The following LLGL1 variants were observed in gnomAD, a reference collection of about 807,000 sequenced individuals.
LLGL1 encodes the protein lethal(2) giant larvae protein homolog 1.
LLGL1 carries 58 observed loss-of-function variants against 110.6 expected under a neutral mutation model. The observed-to-expected ratio is 0.52, with a 90% CI of 0.42 to 0.65. The LOEUF (loss-of-function observed/expected upper bound fraction) is 0.65. Among genes scored for constraint, LLGL1 ranks in the 30% least tolerant of loss-of-function variants. The probability of loss-of-function intolerance (pLI) is 0.00; values close to 1 mark genes in which losing one functional copy is unlikely to be tolerated. For missense variants in LLGL1, 1,229 were observed against 1,462.1 expected (o/e 0.84, Z 2.60); for synonymous variants, 674 against 607.2 (o/e 1.11, Z -1.62).
In LLGL1 at chr17:18,232,393, G is replaced by A. The variant is rs114532847; in HGVS notation, c.180-102G>A. 5.4e-3 allele frequency: 5,620 copies of A among 1,050,076 alleles called. 85 individuals are homozygous for A. The highest frequency in any genetic ancestry group is 0.045 in the African/African-American group (2,857 of 62,982). The allele number at this position is 1,050,076 out of a possible 1,614,324, so 65.0% of individuals were successfully genotyped here. A position where few individuals can be genotyped will look rare whatever the true frequency, so the allele number is the denominator to read the frequency against. ...ACTCCTGGATGGTCAGGCCCATGCC[G>A]GGGCCCACTGGAATAGTCCGGGTCA... On this transcript the variant is annotated intron_variant, in intron 2 of 22. Coordinates refer to ENST00000316843, the MANE Select transcript of LLGL1 (RefSeq NM_004140.4).
rs112209228 is a variant in LLGL1, at chr17:18,242,317, C to T, written c.2995+39C>T. On this transcript the variant is annotated intron_variant, in intron 20 of 22. Transcript: ENST00000316843. ...GAAAGGGGTCCAGACCCTGGCCCCA[C>T]GGTGCCCTGGGGGAGGGAGTCGGGA... The T allele has an allele frequency of 8.0e-5, 126 of 1,575,038 alleles. 1 individual carries two copies. In the Middle Eastern group the frequency reaches 2.7e-3, roughly 34 times the overall value.
At position 18,236,756 on chromosome 17, in the gene LLGL1, G is replaced by T. The variant is rs371648907; in HGVS notation, c.1502G>T (p.Arg501Leu). The change falls in exon 12 of 23, where the codon CGC (arginine) becomes CTC (leucine). Residue 501 changes from arginine to leucine, a missense_variant. Transcript: ENST00000316843. ...GCCGAGGACGACTGGCCACCCTTCC[G>T]CAAGGTGGGCCCCTCCCCTGGCCCT... Reference protein sequence around the residue: ...QAAEDDWPPFRKVGCFDPYSD... With the variant: ...QAAEDDWPPFLKVGCFDPYSD... The T allele has an allele frequency of 6.2e-7, 1 of 1,612,562 alleles. No homozygotes were observed. The highest frequency in any genetic ancestry group is 1.1e-5 in the South Asian group (1 of 91,056).
chr17:18,233,590 C>T (rs1383169033), intron 4 of LLGL1, among the ~76,000 whole-genome samples, 188 bp from the exon 5 acceptor site: 4 of 152,180 alleles, frequency 2.6e-5, no homozygotes, highest in Non-Finnish European at 5.9e-5. Context: ...CATCTCCCTG[C>T]TGACATCCTG....
In LLGL1 at chr17:18,241,987, C is replaced by T. The variant is rs1263015990; in HGVS notation, c.2870C>T (p.Ala957Val). The change falls in exon 19 of 23, where the codon GCC becomes GTC. Residue 957 changes from alanine to valine, a missense_variant. Physicochemically the swap from Ala to Val is moderately conservative, Grantham distance 64. Coordinates refer to ENST00000316843, the MANE Select transcript of LLGL1 (RefSeq NM_004140.4). ...CSLDINWPRDATQASYRIRES... is the reference protein window; with the variant it reads ...CSLDINWPRDVTQASYRIRES... Reference sequence around the variant, plus strand: ...CTGGACATTAACTGGCCCCGCGATGCCACCCAGGCCAGGTGTGTGGAGGGG... The same window carrying T: ...CTGGACATTAACTGGCCCCGCGATGTCACCCAGGCCAGGTGTGTGGAGGGG... 6.2e-7 allele frequency: 1 copy of T among 1,613,516 alleles called. No individual in the cohort carries two copies. The highest frequency in any genetic ancestry group is 1.7e-5 in the Admixed American group (1 of 60,024).
chr17:18,233,291 G>A (rs114423338), intron 4 of LLGL1, among the ~76,000 whole-genome samples: 1,526 of 152,296 alleles, frequency 0.01, 28 homozygotes, highest in African/African-American at 0.035. Flanking sequence ...CCAGCTGAGT[G>A]AGAGTGTGGG....
At position 18,233,771 on chromosome 17, in the gene LLGL1, C is replaced by G. The variant is rs1230731838; in HGVS notation, c.393-7C>G. 1 of 1,610,620 alleles carries G rather than the reference C, an allele frequency of 6.2e-7. No individual in the cohort carries two copies. Among genetic ancestry groups the G allele is most frequent in the South Asian group, 1.1e-5 (1 of 90,770 alleles). ...TACCCTCACTCCCTTCCCCTTGTTCCCTGCAGTGCTCCGCTCAGCCTTACC... is the reference window on the plus strand; with the variant it reads ...TACCCTCACTCCCTTCCCCTTGTTCGCTGCAGTGCTCCGCTCAGCCTTACC... On this transcript the variant is annotated splice_region_variant and splice_polypyrimidine_tract_variant and intron_variant, in intron 4 of 22. Coordinates refer to ENST00000316843, the MANE Select transcript of LLGL1 (RefSeq NM_004140.4).
Position 18,225,652 on chromosome 17 carries a change from G to C in LLGL1, c.-31G>C, listed in dbSNP as rs772467553. ...CGCGGCGCATCCTGCGGGCGGCGGC[G>C]GCGGGCGAGGCGCCTGCAGCCGGGC... On this transcript the variant is annotated 5_prime_UTR_variant, in exon 1 of 23. Coordinates refer to ENST00000316843, the MANE Select transcript of LLGL1 (RefSeq NM_004140.4). 28 of 970,132 alleles carry C rather than the reference G, an allele frequency of 2.9e-5. No homozygotes were observed. In the South Asian group the frequency reaches 9.9e-4, roughly 34 times the overall value. 60.1% of individuals were successfully genotyped at this position (970,132 alleles called of 1,614,324 possible).
rs2047591811 is a variant in LLGL1 at position 18,232,539 on chromosome 17, C to T, written c.224C>T (p.Ala75Val). 1 of 1,613,990 alleles carries T rather than the reference C, an allele frequency of 6.2e-7. No individual in the cohort carries two copies. Among genetic ancestry groups the T allele is most frequent in the Admixed American group, 1.7e-5 (1 of 60,002 alleles). The change falls in exon 3 of 23, where the codon GCA becomes GTA. Residue 75 changes from alanine to valine, a missense_variant. By Grantham distance (64) the Ala-to-Val change is moderately conservative. Coordinates refer to ENST00000316843, the MANE Select transcript of LLGL1 (RefSeq NM_004140.4). ...GVEFTGLHRD[A>V]ATVTQMHFLT... Reference sequence around the variant, plus strand: ...GAGTTCACAGGCCTGCACCGGGATGCAGCCACTGTCACACAGATGCACTTC... The same window carrying T: ...GAGTTCACAGGCCTGCACCGGGATGTAGCCACTGTCACACAGATGCACTTC...
intron 16 of LLGL1, among the ~76,000 whole-genome samples, chr17:18,239,180 G>T (rs114823048): frequency 0.019 from 2,926 of 152,278 alleles, 93 homozygotes; most frequent in African/African-American, 0.066. Flanking sequence ...GCACCAGCCA[G>T]TGCCCAGGCC....
At chr17:18,228,043 C>T (rs1208499004) in intron 1 of LLGL1, among the ~76,000 whole-genome samples, 1 of 152,142 alleles carries the variant, frequency 6.6e-6, no homozygotes, top group African/African-American at 2.4e-5. Flanking sequence ...ATACTGAGCC[C>T]CACTGTGTGT....
chr17:18,232,139 A>G (rs979278180), intron 2 of LLGL1, among the ~76,000 whole-genome samples: 2 of 152,206 alleles, frequency 1.3e-5, no homozygotes, highest in Non-Finnish European at 2.9e-5. Flanking sequence ...AGTGGAGCGG[A>G]GCCCCATCCT....
chr17:18,226,639 G>C (rs1276101856), intron 1 of LLGL1, among the ~76,000 whole-genome samples: 1 of 152,238 alleles, frequency 6.6e-6, no homozygotes, highest in East Asian at 1.9e-4. Flanking sequence ...TGTGGGCCCT[G>C]GCTCCCTCTG....
In LLGL1 at chr17:18,234,133, C is replaced by T. The variant is rs758087102; in HGVS notation, c.672C>T (p.Asn224=). The change falls in exon 6 of 23, where the codon AAC becomes AAT. Residue 224 remains asparagine, a synonymous_variant. Transcript: ENST00000316843. ...GYSRGLLVIW[N]QASQCVDHIF... The stretch of plus-strand genomic sequence containing the variant: ...GCCGGGGCCTGCTGGTCATCTGGAA[C>T]CAGGCCTCGCAGTGTGTGGACCACA... 1 of 1,611,108 alleles carries T rather than the reference C, an allele frequency of 6.2e-7. No homozygotes were observed. The highest frequency in any genetic ancestry group is 8.5e-7 in the Non-Finnish European group (1 of 1,178,436).
chr17:18,237,801 T>G (rs1597873238), intron 14 of LLGL1, 28 bp downstream of exon 14: 1 of 1,581,958 alleles, frequency 6.3e-7, no homozygotes, highest in Non-Finnish European at 8.6e-7. Flanking sequence ...GGCTGGGCAG[T>G]TGGAGCCCCC....
intron 8 of LLGL1, 30 bp downstream of exon 8, chr17:18,234,733 A>G: frequency 6.2e-7 from 1 of 1,613,830 alleles, no homozygotes; most frequent in Non-Finnish European, 8.5e-7. Context: ...GTCCGATGTG[A>G]GTTGGGTCTG....
Position 18,232,727 on chromosome 17 carries a change from A to G in LLGL1, c.317A>G (p.His106Arg), listed in dbSNP as rs1025290378. 5 of 1,614,016 alleles carry G rather than the reference A, an allele frequency of 3.1e-6. No individual in the cohort carries two copies. The highest frequency in any genetic ancestry group is 4.2e-6 in the Non-Finnish European group (5 of 1,180,028). ...AGTCTGCATCTCTGGGAGATTGTCCACCATAATGGCTGTGCCCACCTGGAA... is the reference window on the plus strand; with the variant it reads ...AGTCTGCATCTCTGGGAGATTGTCCGCCATAATGGCTGTGCCCACCTGGAA... Reference protein sequence around the residue: ...DSSLHLWEIVHHNGCAHLEEA... With the variant: ...DSSLHLWEIVRHNGCAHLEEA... The change falls in exon 4 of 23, where the codon CAC becomes CGC. Residue 106 changes from histidine (H) to arginine (R), a missense_variant. His to Arg is a conservative substitution (Grantham distance 29). Transcript: ENST00000316843.
chr17:18,226,205 T>C (rs1049597143), intron 1 of LLGL1, among the ~76,000 whole-genome samples: 2 of 152,156 alleles, frequency 1.3e-5, no homozygotes, highest in Admixed American at 6.5e-5. Context: ...CTCTCATTTC[T>C]CTTGCTGCCT....
chr17:18,241,185 G>A (rs1282358593), intron 17 of LLGL1: 2 of 594,434 alleles, frequency 3.4e-6, no homozygotes, highest in South Asian at 2.2e-5. Flanking sequence ...GAAAGAACTC[G>A]AGGTTTGATG....
At position 18,234,133 on chromosome 17, in the gene LLGL1, C is replaced by A. The variant is rs758087102; in HGVS notation, c.672C>A (p.Asn224Lys). The change falls in exon 6 of 23, where the codon AAC becomes AAA. Residue 224 changes from asparagine to lysine, a missense_variant. By Grantham distance (94) the Asn-to-Lys change is moderately conservative. Coordinates refer to ENST00000316843, the MANE Select transcript of LLGL1 (RefSeq NM_004140.4). The part of the protein sequence containing the change: ...GYSRGLLVIW[N>K]QASQCVDHIF... Reference sequence around the variant, plus strand: ...GCCGGGGCCTGCTGGTCATCTGGAACCAGGCCTCGCAGTGTGTGGACCACA... The same window carrying A: ...GCCGGGGCCTGCTGGTCATCTGGAAACAGGCCTCGCAGTGTGTGGACCACA... 1 of 1,611,108 alleles carries A rather than the reference C, an allele frequency of 6.2e-7. No individual in the cohort carries two copies. Among genetic ancestry groups the A allele is most frequent in the Non-Finnish European group, 8.5e-7 (1 of 1,178,436 alleles).
Sources: gnomAD v4.1 joint callset for allele counts (sites outside exome capture counted in the v4.1 genomes callset) on GRCh38, gnomAD v4.1.1 for gene constraint, MANE v1.5 for transcripts, NCBI Gene and HGNC (gene_info 2026-07-23, HGNC 2026-07-21) for gene names.